Variants in CENPP observed in about 807,000 individuals in gnomAD.
The protein encoded by CENPP is centromere protein P.
In CENPP, 24 loss-of-function variants were observed where a neutral mutation model predicts 35.6. The observed-to-expected ratio is 0.67, with a 90% CI of 0.49 to 0.95. The LOEUF (loss-of-function observed/expected upper bound fraction) is 0.95. CENPP is among the 40% of genes least tolerant of loss of function. The pLI is 0.00. For missense variants in CENPP, 332 were observed against 345.3 expected (o/e 0.96, Z 0.31); for synonymous variants, 120 against 125.5 (o/e 0.96, Z 0.29).
At chr9:92,344,961 G>A (rs1289993127) in intron 3 of CENPP, among the ~76,000 whole-genome samples, 2 of 151,574 alleles carry the variant, frequency 1.3e-5, no homozygotes, top group African/African-American at 4.8e-5. Context: ...GAGGTCAAGA[G>A]ATTGAGACCG....
At chr9:92,592,898 A>G (rs1850699488) in intron 5 of CENPP, among the ~76,000 whole-genome samples, 1 of 152,378 alleles carries the variant, frequency 6.6e-6, no homozygotes, top group Admixed American at 6.5e-5. Context: ...ATTTAACATC[A>G]TATCTGTGCT....
chr9:92,325,940 A>G (rs936125599), upstream of CENPP: 12 of 1,425,092 alleles, frequency 8.4e-6, no homozygotes, highest in Admixed American at 2.4e-4. Flanking sequence ...AGCGCGGGTG[A>G]AGCGCGCAGG....
At chr9:92,519,132 G>C (rs151168347) in intron 5 of CENPP, among the ~76,000 whole-genome samples, 1 of 151,754 alleles carries the variant, frequency 6.6e-6, no homozygotes, top group Non-Finnish European at 1.5e-5. Flanking sequence ...TCCTTTCCCC[G>C]ACCACTAACT....
intron 5 of CENPP, among the ~76,000 whole-genome samples, chr9:92,451,601 A>G (rs76836077): frequency 5.9e-5 from 9 of 151,872 alleles, no homozygotes; most frequent in Non-Finnish European, 1.2e-4. Flanking sequence ...GGTTCCATAT[A>G]AACTTTAAAG....
chr9:92,563,773 C>T lies in CENPP; in HGVS notation c.565-47541C>T, dbSNP rs558567477. Among the ~76,000 whole-genome samples the T allele has an allele frequency of 7.9e-3, 1,044 of 132,814 alleles. 12 individuals carry two copies. Among genetic ancestry groups the T allele is most frequent in the African/African-American group, 0.031 (999 of 32,104 alleles). The allele number at this position is 132,814 out of a possible 152,430, so 87.1% of individuals were successfully genotyped here. ...TCCTCCCTCCCCCTCTTCCTCCCCC[C>T]TCCCTACCCCTCTTCCTCCTCCTCC... On this transcript the variant is annotated intron_variant, in intron 5 of 7. Transcript: ENST00000375587.
chr9:92,454,901 C>T (rs17519663), intron 5 of CENPP, among the ~76,000 whole-genome samples: 4,904 of 152,274 alleles, frequency 0.032, 126 homozygotes, highest in South Asian at 0.074. Flanking sequence ...CATCCCTCTA[C>T]TCATACCATG....
At chr9:92,393,270 A>G in intron 5 of CENPP, 5 of 1,555,040 alleles carry the variant, frequency 3.2e-6, no homozygotes, top group Non-Finnish European at 4.4e-6. Flanking sequence ...AATCATAAAA[A>G]TATGAACAAT....
chr9:92,457,782 A>G (rs1220339643), intron 5 of CENPP, among the ~76,000 whole-genome samples: 1 of 152,216 alleles, frequency 6.6e-6, no homozygotes, highest in East Asian at 1.9e-4. Context: ...AGATAGATAC[A>G]TACATACGTA....
intron 5 of CENPP, chr9:92,389,883 T>A: frequency 2.5e-6 from 4 of 1,612,708 alleles, no homozygotes; most frequent in Non-Finnish European, 3.4e-6. Flanking sequence ...ATTCCCCTAC[T>A]CTTGATTTTG....
chr9:92,464,848 A>T (rs768295357), intron 5 of CENPP: 8 of 1,112,466 alleles, frequency 7.2e-6, no homozygotes, highest in Non-Finnish European at 9.7e-6. Flanking sequence ...ACAGTTTACA[A>T]TATTAGATTG....
At chr9:92,540,840 T>G (rs1849301687) in intron 5 of CENPP, among the ~76,000 whole-genome samples, 1 of 151,898 alleles carries the variant, frequency 6.6e-6, no homozygotes, top group Non-Finnish European at 1.5e-5. Flanking sequence ...AGGAGATAAC[T>G]GTGAGCAGCC....
At chr9:92,601,686 CT>C (rs763482494) in intron 5 of CENPP, among the ~76,000 whole-genome samples, 8 of 152,146 alleles carry the variant, frequency 5.3e-5, no homozygotes, top group African/African-American at 1.9e-4. Context: ...GAGGAGTGGG[CT>C]GGGAGGGGAC....
intron 5 of CENPP, among the ~76,000 whole-genome samples, chr9:92,598,744 G>A (rs2131383466): frequency 7.4e-6 from 1 of 135,750 alleles, no homozygotes; most frequent in East Asian, 2.0e-4. Flanking sequence ...TAACTGAAGG[G>A]GTTTTTTTTT....
rs560109698 is a variant in CENPP, at chr9:92,501,948, A to G, written c.565-109366A>G. On this transcript the variant is annotated intron_variant, in intron 5 of 7. Transcript: ENST00000375587. The stretch of plus-strand genomic sequence containing the variant: ...ACTTTTGGCCTGCACTGTTAGGCCA[A>G]GCATTCTTCAGTCTATTTTGTAAGA... Among the ~76,000 whole-genome samples, 117 of 152,376 alleles carry G rather than the reference A, an allele frequency of 7.7e-4. 1 individual carries two copies. The highest frequency in any genetic ancestry group is 2.2e-3 in the Admixed American group (33 of 15,308).
intron 5 of CENPP, chr9:92,496,171 T>C: frequency 7.3e-7 from 1 of 1,366,732 alleles, no homozygotes; most frequent in African/African-American, 1.5e-5. Flanking sequence ...ATTTTGGTTG[T>C]TCATCTGTGT....
chr9:92,587,418 G>A (rs141960185), intron 5 of CENPP, among the ~76,000 whole-genome samples: 5,917 of 152,018 alleles, frequency 0.039, 161 homozygotes, highest in Middle Eastern at 0.078. Context: ...GTGGTGAGCC[G>A]AGATCATGCC....
At chr9:92,490,071 T>C (rs969035522) in intron 5 of CENPP, among the ~76,000 whole-genome samples, 7 of 152,262 alleles carry the variant, frequency 4.6e-5, no homozygotes, top group Admixed American at 2.0e-4. Flanking sequence ...TGCTCACCAG[T>C]TTCCTGTAGT....
chr9:92,452,842 C>G (rs968176683), intron 5 of CENPP, among the ~76,000 whole-genome samples: 1 of 152,044 alleles, frequency 6.6e-6, no homozygotes, highest in South Asian at 2.1e-4. Flanking sequence ...GTGTATGTGT[C>G]GAGGAATTTA....
At chr9:92,574,252 T>C (rs981582869) in intron 5 of CENPP, among the ~76,000 whole-genome samples, 12 of 152,126 alleles carry the variant, frequency 7.9e-5, no homozygotes, top group African/African-American at 2.9e-4. Flanking sequence ...GATGTAACTA[T>C]AGGCTGTCTA....
Sources: gnomAD v4.1 joint callset for allele counts (sites outside exome capture counted in the v4.1 genomes callset) on GRCh38, gnomAD v4.1.1 for gene constraint, MANE v1.5 for transcripts, NCBI Gene and HGNC (gene_info 2026-07-23, HGNC 2026-07-21) for gene names.